The following CSTPP1 variants were observed in gnomAD, a reference collection of about 807,000 sequenced individuals.
CSTPP1 encodes the protein UPF0705 protein C11orf49.
the CSTPP1 span, among the ~76,000 whole-genome samples, chr11:47,102,695 G>T: frequency 6.6e-6 from 1 of 152,192 alleles, no homozygotes; most frequent in African/African-American, 2.4e-5. Context: ...AGCTGTGTTT[G>T]TCCCTAAGCA....
chr11:47,003,409 GT>G, the CSTPP1 span, among the ~76,000 whole-genome samples: 1 of 152,128 alleles, frequency 6.6e-6, no homozygotes, highest in South Asian at 2.1e-4. Flanking sequence ...TAACACAAAG[GT>G]TCTTCTTCCC....
At chr11:46,990,883 G>A in the CSTPP1 span, among the ~76,000 whole-genome samples, 1 of 152,124 alleles carries the variant, frequency 6.6e-6, no homozygotes, top group Non-Finnish European at 1.5e-5. Flanking sequence ...TATTAAACAG[G>A]GAGTCCTTTC....
the CSTPP1 span, among the ~76,000 whole-genome samples, chr11:46,954,929 G>A: frequency 6.6e-6 from 1 of 151,946 alleles, no homozygotes; most frequent in African/African-American, 2.4e-5. Flanking sequence ...GAAGTACCCA[G>A]TACAGCAAAA....
chr11:47,158,707 G>C, the CSTPP1 span, among the ~76,000 whole-genome samples: 1 of 152,038 alleles, frequency 6.6e-6, no homozygotes, highest in Non-Finnish European at 1.5e-5. Flanking sequence ...GAAAATTTTT[G>C]TGTTTTTTGT....
At chr11:47,097,325 G>A in the CSTPP1 span, among the ~76,000 whole-genome samples, 3 of 117,170 alleles carry the variant, frequency 2.6e-5, no homozygotes, top group Admixed American at 1.6e-4. Context: ...GGAGGGAGGT[G>A]GGGGGGTCAG....
At chr11:46,993,745 G>T in the CSTPP1 span, among the ~76,000 whole-genome samples, 89,079 of 151,938 alleles carry the variant, frequency 0.59, 30,085 homozygotes, top group Non-Finnish European at 0.76. Context: ...GCTTAGGATT[G>T]TCTTGGAAAT....
chr11:46,968,085 C>A, the CSTPP1 span, among the ~76,000 whole-genome samples: 1 of 150,920 alleles, frequency 6.6e-6, no homozygotes, highest in African/African-American at 2.4e-5. Context: ...TTCATGCTGG[C>A]TGAAACTGGC....
chr11:47,088,135 C>A, the CSTPP1 span, among the ~76,000 whole-genome samples: 1 of 152,168 alleles, frequency 6.6e-6, no homozygotes, highest in East Asian at 1.9e-4. Context: ...CCATTAGAAG[C>A]GTGTTGCTAA....
At chr11:46,957,995 C>T in the CSTPP1 span, among the ~76,000 whole-genome samples, 1 of 152,160 alleles carries the variant, frequency 6.6e-6, no homozygotes, top group African/African-American at 2.4e-5. Flanking sequence ...TCCACTTATA[C>T]ACAGATTTTC....
the CSTPP1 span, among the ~76,000 whole-genome samples, chr11:47,143,486 G>C: frequency 6.6e-6 from 1 of 152,256 alleles, no homozygotes; most frequent in African/African-American, 2.4e-5. Context: ...GCCTGTTCAG[G>C]GGCATGGTGT....
the CSTPP1 span, among the ~76,000 whole-genome samples, chr11:47,081,610 T>C: frequency 2.0e-5 from 3 of 152,206 alleles, no homozygotes; most frequent in African/African-American, 4.8e-5. Flanking sequence ...GTTATTGACA[T>C]ATTAATAGAC....
chr11:47,067,576 T>G, the CSTPP1 span, among the ~76,000 whole-genome samples: 1 of 152,196 alleles, frequency 6.6e-6, no homozygotes, highest in African/African-American at 2.4e-5. Flanking sequence ...CTGGTGTCCC[T>G]GTAAGAGGAG....
At chr11:47,015,512 A>G in the CSTPP1 span, among the ~76,000 whole-genome samples, 2 of 151,818 alleles carry the variant, frequency 1.3e-5, no homozygotes, top group South Asian at 4.2e-4. Context: ...ATATATATGT[A>G]TATATGTATA....
chr11:46,938,601 A>G, the CSTPP1 span, among the ~76,000 whole-genome samples: 2 of 151,520 alleles, frequency 1.3e-5, no homozygotes, highest in East Asian at 1.9e-4. Context: ...CTTTTCCAGA[A>G]TATCATGTAG....
At chr11:47,132,081 C>T in the CSTPP1 span, among the ~76,000 whole-genome samples, 1 of 152,156 alleles carries the variant, frequency 6.6e-6, no homozygotes, top group Non-Finnish European at 1.5e-5. Context: ...AAGTGTAGTA[C>T]ACTGGTCATG....
the CSTPP1 span, among the ~76,000 whole-genome samples, chr11:47,012,046 G>A: frequency 1.1e-4 from 17 of 152,032 alleles, no homozygotes; most frequent in Admixed American, 7.9e-4. Context: ...AGGCTGAAGC[G>A]GGAGGATTGA....
At chr11:46,942,315 G>T in the CSTPP1 span, among the ~76,000 whole-genome samples, 1 of 152,214 alleles carries the variant, frequency 6.6e-6, no homozygotes, top group African/African-American at 2.4e-5. Context: ...TTCTGCCAGA[G>T]GCTGAAGGTG....
the CSTPP1 span, among the ~76,000 whole-genome samples, chr11:46,959,298 C>T: frequency 1.3e-5 from 2 of 149,614 alleles, no homozygotes; most frequent in African/African-American, 4.9e-5. Context: ...ACAGACTTTT[C>T]TCAAGTTTTT....
At chr11:47,005,801 A>G in the CSTPP1 span, among the ~76,000 whole-genome samples, 2 of 152,342 alleles carry the variant, frequency 1.3e-5, no homozygotes, top group East Asian at 3.9e-4. Context: ...AATTGTTGGA[A>G]TGATTAAATG....
Sources: allele counts gnomAD v4.1 joint callset (sites outside exome capture counted in the v4.1 genomes callset), GRCh38; gene constraint gnomAD v4.1.1; transcripts MANE v1.5; gene names NCBI Gene and HGNC (gene_info 2026-07-23, HGNC 2026-07-21).